USP30: variants seen among roughly 807,000 people sequenced by gnomAD.
USP30 encodes ubiquitin specific peptidase 30, also known as ubiquitin carboxyl-terminal hydrolase 30.
USP30 carries 41 observed loss-of-function variants against 68.2 expected under a neutral mutation model. That is an observed-to-expected ratio of 0.60 (90% CI 0.47 to 0.78). The LOEUF is 0.78. Ranked by LOEUF, USP30 falls within the 30% of genes least tolerant of loss-of-function variation. USP30 has a pLI of 0.00. For missense variants in USP30, 522 were observed against 649.4 expected (o/e 0.80, Z 2.13); for synonymous variants, 229 against 253.7 (o/e 0.90, Z 0.93).
chr12:109,077,078 C>T (rs1263082594), intron 7 of USP30, among the ~76,000 whole-genome samples: 1 of 152,052 alleles, frequency 6.6e-6, no homozygotes, highest in Non-Finnish European at 1.5e-5. Flanking sequence ...GGGATAAACC[C>T]CACTTGATCA....
intron 4 of USP30, among the ~76,000 whole-genome samples, chr12:109,068,155 T>C (rs2135760161): frequency 6.6e-6 from 1 of 152,118 alleles, no homozygotes; most frequent in African/African-American, 2.4e-5. Flanking sequence ...TTGGCCACCC[T>C]CCTCCCCGCC....
Position 109,082,913 on chromosome 12 carries a change from A to G in USP30, c.1019A>G (p.His340Arg). 6.2e-7 allele frequency: 1 copy of G among 1,614,218 alleles called. No individual in the cohort carries two copies. Among genetic ancestry groups the G allele is most frequent in the Non-Finnish European group, 8.5e-7 (1 of 1,180,040 alleles). The change falls in exon 11 of 13, where the codon CAT (histidine) becomes CGT (arginine). Residue 340 changes from histidine (H) to arginine (R), a missense_variant. By Grantham distance (29) the His-to-Arg change is conservative. Transcript: ENST00000257548. ...WSSHGTPLKR[H>R]EHVQFNEFLM... ...AGCCACGGCACGCCTCTGAAGCGGC[A>G]TGAGCACGTGCAGTTCAATGAGTTC...
Position 109,052,622 on chromosome 12 carries a change from C to CGGCGGT in USP30, c.-52_-51insTGGCGG. 1 of 1,182,486 alleles carries CGGCGGT rather than the reference C, an allele frequency of 8.5e-7. No individual in the cohort carries two copies. The highest frequency in any genetic ancestry group is 1.7e-5 in the South Asian group (1 of 58,588). The allele number at this position is 1,182,486 out of a possible 1,614,324, so 73.2% of individuals were successfully genotyped here. On this transcript the variant is annotated 5_prime_UTR_variant, in exon 1 of 13. Coordinates refer to ENST00000257548, the MANE Select transcript of USP30 (RefSeq NM_032663.5). ...TCGGGAACCGTCGTATCCCTCGGTC[C>CGGCGGT]GGCGGCGGCGGCGGCGGTAGCGGAG...
At chr12:109,076,968 G>A (rs189591164) in intron 7 of USP30, among the ~76,000 whole-genome samples, 1 of 152,038 alleles carries the variant, frequency 6.6e-6, no homozygotes, top group South Asian at 2.1e-4. Flanking sequence ...TCCTGACCTC[G>A]TGATCCGCCT....
chr12:109,031,421 A>G (rs1276045957), intron 3 of USP30, among the ~76,000 whole-genome samples: 1 of 152,230 alleles, frequency 6.6e-6, no homozygotes, highest in Non-Finnish European at 1.5e-5. Flanking sequence ...TAGCACTTTT[A>G]AAATTTGCCA....
chr12:109,037,251 A>G (rs777887239), intron 3 of USP30, among the ~76,000 whole-genome samples: 1 of 152,104 alleles, frequency 6.6e-6, no homozygotes, highest in African/African-American at 2.4e-5. Context: ...TCAACTTCAG[A>G]ATTTCTACTT....
chr12:109,052,835 T>G, intron 1 of USP30, 74 bp downstream of exon 1: 1 of 1,364,724 alleles, frequency 7.3e-7, no homozygotes, highest in Non-Finnish European at 9.5e-7. Flanking sequence ...GACGGCTTTT[T>G]CATGCCCTAG....
chr12:109,080,730 C>T (rs907536818), intron 7 of USP30, among the ~76,000 whole-genome samples: 38 of 152,122 alleles, frequency 2.5e-4, no homozygotes, highest in African/African-American at 5.8e-4. Flanking sequence ...ATGGTGGTCC[C>T]GTAAGATTAT....
intron 7 of USP30, among the ~76,000 whole-genome samples, chr12:109,080,118 T>C (rs1263064290): frequency 6.6e-6 from 1 of 152,194 alleles, no homozygotes; most frequent in Non-Finnish European, 1.5e-5. Flanking sequence ...TTTCCCCCTG[T>C]GCACGTGTGG....
chr12:109,029,189 A>G, intron 3 of USP30, among the ~76,000 whole-genome samples: 1 of 152,216 alleles, frequency 6.6e-6, no homozygotes, highest in Non-Finnish European at 1.5e-5. Context: ...CTTGGTCCAG[A>G]TGTCTAGCTC....
chr12:109,065,475 C>T (rs2041218399), intron 3 of USP30, among the ~76,000 whole-genome samples: 1 of 152,236 alleles, frequency 6.6e-6, no homozygotes, highest in Non-Finnish European at 1.5e-5. Flanking sequence ...AGGCGGCTGT[C>T]TGGGGACACA....
rs760327509 is a variant in USP30 at position 109,071,643 on chromosome 12, C to T, written c.512C>T (p.Ser171Leu). ...DAHELFHVITSSLEDERDRQP... is the reference protein window; with the variant it reads ...DAHELFHVITLSLEDERDRQP... ...CACGAATTATTCCATGTCATTACCT[C>T]GTCATTGGAAGATGAGCGAGACCGC... Residue 171 changes from serine (S) to leucine (L), a missense_variant, in exon 5 of 13, where the codon TCG becomes TTG. Ser to Leu is a moderately radical substitution (Grantham distance 145, BLOSUM62 -2). Transcript: ENST00000257548. 8.1e-6 allele frequency: 13 copies of T among 1,614,048 alleles called. No homozygotes were observed. The highest frequency in any genetic ancestry group is 2.7e-5 in the African/African-American group (2 of 74,922).
At chr12:109,046,194 C>T (rs972957098) in intron 3 of USP30, among the ~76,000 whole-genome samples, 7 of 149,194 alleles carry the variant, frequency 4.7e-5, no homozygotes, top group Non-Finnish European at 7.4e-5. Context: ...TCCGCCCCCC[C>T]GGGTTTAAGT....
chr12:109,066,587 A>G (rs1298107656), intron 3 of USP30, among the ~76,000 whole-genome samples: 1 of 152,162 alleles, frequency 6.6e-6, no homozygotes, highest in Non-Finnish European at 1.5e-5. Flanking sequence ...CGGGAGGCTG[A>G]GGCAGGAGAA....
chr12:109,066,645 A>G (rs955294005), intron 3 of USP30, among the ~76,000 whole-genome samples: 4 of 152,178 alleles, frequency 2.6e-5, no homozygotes, highest in Middle Eastern at 3.2e-3. Flanking sequence ...AGATCACGCC[A>G]TTGCACTCCA....
In USP30 at chr12:109,086,577, T is replaced by A. The variant is rs1174663735; in HGVS notation, c.*646T>A. 1 of 152,450 alleles carries A rather than the reference T, an allele frequency of 6.6e-6. No homozygotes were observed. The highest frequency in any genetic ancestry group is 1.5e-5 in the Non-Finnish European group (1 of 68,228). 9.4% of individuals were successfully genotyped at this position (152,450 alleles called of 1,614,324 possible). A position where few individuals can be genotyped will look rare whatever the true frequency, so the allele number is the denominator to read the frequency against. ...AAATCTGCCCCCTGGGGAAACTCTTTCACTACTTTGTCAGTTATAAGTGAA... is the reference window on the plus strand; with the variant it reads ...AAATCTGCCCCCTGGGGAAACTCTTACACTACTTTGTCAGTTATAAGTGAA... On this transcript the variant is annotated 3_prime_UTR_variant, in exon 13 of 13. Coordinates refer to ENST00000257548, the MANE Select transcript of USP30 (RefSeq NM_032663.5).
Position 109,085,831 on chromosome 12 carries a change from G to T in USP30, c.1454G>T (p.Ser485Ile). Residue 485 changes from serine (S) to isoleucine (I), a missense_variant, in exon 13 of 13, where the codon AGC becomes ATC. By Grantham distance (142) the Ser-to-Ile change is moderately radical (BLOSUM62 -2). Coordinates refer to ENST00000257548, the MANE Select transcript of USP30 (RefSeq NM_032663.5). Reference sequence around the variant, plus strand: ...TCCGATGACACTGTCCGCAAGGCCAGCCTGCAGGAGGTCCTGTCCTCCAGC... The same window carrying T: ...TCCGATGACACTGTCCGCAAGGCCATCCTGCAGGAGGTCCTGTCCTCCAGC... Reference protein sequence around the residue: ...WVSDDTVRKASLQEVLSSSAY... With the variant: ...WVSDDTVRKAILQEVLSSSAY... 3 of 1,614,244 alleles carry T rather than the reference G, an allele frequency of 1.9e-6. No individual in the cohort carries two copies. Among genetic ancestry groups the T allele is most frequent in the Non-Finnish European group, 2.5e-6 (3 of 1,180,056 alleles).
intron 3 of USP30, among the ~76,000 whole-genome samples, chr12:109,064,308 AG>A (rs576857338): frequency 7.2e-5 from 11 of 152,330 alleles, no homozygotes; most frequent in Admixed American, 7.2e-4. Flanking sequence ...TCTGTTGCCC[AG>A]ACTGGAGTGC....
At chr12:109,081,819 C>A in intron 8 of USP30, 114 bp from the exon 9 acceptor site, 1 of 1,081,922 alleles carries the variant, frequency 9.2e-7, no homozygotes, top group Non-Finnish European at 1.4e-6. Flanking sequence ...GACTATAAAA[C>A]TTTATTGCCT....
Sources: allele counts gnomAD v4.1 joint callset (sites outside exome capture counted in the v4.1 genomes callset), GRCh38; gene constraint gnomAD v4.1.1; transcripts MANE v1.5; gene names NCBI Gene and HGNC (gene_info 2026-07-23, HGNC 2026-07-21).